IMMP2L: variants seen among roughly 807,000 people sequenced by gnomAD.
IMMP2L encodes mitochondrial inner membrane protease subunit 2.
A neutral mutation model predicts 19.3 loss-of-function variants in IMMP2L; 18 were observed. The ratio of observed to expected loss-of-function variants is 0.93; its 90% CI spans 0.64 to 1.38. The LOEUF is 1.38. Among genes scored for constraint, IMMP2L ranks in the 40% most tolerant of loss-of-function variants. IMMP2L has a pLI of 0.00. For missense variants in IMMP2L, 233 were observed against 218.2 expected (o/e 1.07, Z -0.43); for synonymous variants, 76 against 73.0 (o/e 1.04, Z -0.21).
intron 4 of IMMP2L, among the ~76,000 whole-genome samples, chr7:110,956,798 T>C (rs772913232): frequency 6.6e-6 from 1 of 151,934 alleles, no homozygotes; most frequent in African/African-American, 2.4e-5. Flanking sequence ...CATTTCTGAC[T>C]GGGCAGAGAA....
chr7:110,945,578 A>G (rs779435054), intron 4 of IMMP2L, among the ~76,000 whole-genome samples: 8 of 152,008 alleles, frequency 5.3e-5, no homozygotes, highest in Non-Finnish European at 1.2e-4. Flanking sequence ...CCTTCTACCA[A>G]AATGTATGTA....
At chr7:111,012,403 C>T (rs1825060946) in intron 3 of IMMP2L, among the ~76,000 whole-genome samples, 1 of 152,004 alleles carries the variant, frequency 6.6e-6, no homozygotes, top group Admixed American at 6.6e-5. Context: ...AAAATAAAAA[C>T]AAATATAAAT....
At chr7:111,147,464 A>G (rs1273356070) in intron 3 of IMMP2L, among the ~76,000 whole-genome samples, 1 of 152,158 alleles carries the variant, frequency 6.6e-6, no homozygotes, top group Admixed American at 6.6e-5. Context: ...GAAGGGTTAC[A>G]TCAACATGCA....
chr7:111,345,179 T>A (rs1827413213), intron 3 of IMMP2L, among the ~76,000 whole-genome samples: 2 of 152,156 alleles, frequency 1.3e-5, no homozygotes, highest in Admixed American at 6.6e-5. Flanking sequence ...TAAATTCCTT[T>A]ATCACTCCTG....
At chr7:111,171,984 T>C (rs1224206226) in intron 3 of IMMP2L, among the ~76,000 whole-genome samples, 2 of 151,528 alleles carry the variant, frequency 1.3e-5, no homozygotes, top group Admixed American at 1.3e-4. Context: ...TGATGAAATA[T>C]AGGGCACAGG....
At chr7:110,862,597 C>T (rs1266186737) in intron 5 of IMMP2L, among the ~76,000 whole-genome samples, 4 of 151,776 alleles carry the variant, frequency 2.6e-5, no homozygotes, top group Admixed American at 6.6e-5. Flanking sequence ...CCTCCTGCCT[C>T]AGCCTCCAAA....
At chr7:111,049,285 T>C (rs868698847) in intron 3 of IMMP2L, among the ~76,000 whole-genome samples, 18 of 151,676 alleles carry the variant, frequency 1.2e-4, no homozygotes, top group Middle Eastern at 6.8e-3. Flanking sequence ...CGCCCGCCAC[T>C]ACGCCCGGCT....
chr7:111,425,546 G>A (rs894016385), intron 3 of IMMP2L, among the ~76,000 whole-genome samples: 4 of 151,058 alleles, frequency 2.6e-5, no homozygotes, highest in African/African-American at 9.8e-5. Context: ...TGGATGAATA[G>A]AGGGATTAAA....
chr7:111,233,903 T>G (rs944203639), intron 3 of IMMP2L, among the ~76,000 whole-genome samples: 1 of 152,068 alleles, frequency 6.6e-6, no homozygotes, highest in East Asian at 1.9e-4. Context: ...ACACATCAAT[T>G]GTTTTGTAGC....
At chr7:111,328,772 C>T (rs1208006646) in intron 3 of IMMP2L, among the ~76,000 whole-genome samples, 1 of 151,746 alleles carries the variant, frequency 6.6e-6, no homozygotes, top group Non-Finnish European at 1.5e-5. Flanking sequence ...GCAGCAAATT[C>T]CCATGTAACT....
At chr7:111,242,318 A>G (rs1326182693) in intron 3 of IMMP2L, among the ~76,000 whole-genome samples, 1 of 152,058 alleles carries the variant, frequency 6.6e-6, no homozygotes, top group Admixed American at 6.6e-5. Context: ...ATCTCTTCCA[A>G]CGTTATTTAT....
intron 3 of IMMP2L, among the ~76,000 whole-genome samples, chr7:111,334,465 T>C (rs532082162): frequency 2.0e-5 from 3 of 152,194 alleles, no homozygotes; most frequent in South Asian, 2.1e-4. Flanking sequence ...CATGCATCAG[T>C]TGATTGGCAC....
chr7:111,001,050 T>G (rs778735639), intron 3 of IMMP2L, among the ~76,000 whole-genome samples: 6 of 152,192 alleles, frequency 3.9e-5, no homozygotes, highest in African/African-American at 2.4e-5. Flanking sequence ...ATTGGCCATT[T>G]CATCCACTTG....
intron 3 of IMMP2L, among the ~76,000 whole-genome samples, chr7:111,042,199 A>G (rs1458740095): frequency 6.6e-6 from 1 of 151,898 alleles, no homozygotes; most frequent in South Asian, 2.1e-4. Flanking sequence ...CTTTTTTTTG[A>G]GACTGAGTCT....
chr7:111,439,606 G>A (rs150322864), intron 3 of IMMP2L, among the ~76,000 whole-genome samples: 1 of 151,870 alleles, frequency 6.6e-6, no homozygotes, highest in Non-Finnish European at 1.5e-5. Flanking sequence ...ATGATCATCT[G>A]AGCCTTTGGC....
At chr7:110,779,387 T>C (rs992331453) in intron 5 of IMMP2L, among the ~76,000 whole-genome samples, 3 of 151,926 alleles carry the variant, frequency 2.0e-5, no homozygotes, top group Non-Finnish European at 4.4e-5. Flanking sequence ...AAAATACCAA[T>C]GGAGGCAAAG....
intron 3 of IMMP2L, among the ~76,000 whole-genome samples, chr7:111,160,778 A>T (rs1214108717): frequency 6.6e-6 from 1 of 150,574 alleles, no homozygotes; most frequent in African/African-American, 2.4e-5. Flanking sequence ...AAGAAATATA[A>T]AATATAAGAT....
chr7:111,436,810 G>C (rs1239562286), intron 3 of IMMP2L, among the ~76,000 whole-genome samples: 2 of 151,860 alleles, frequency 1.3e-5, no homozygotes, highest in East Asian at 3.9e-4. Flanking sequence ...ACAGGAAGCA[G>C]ATTGCTAGCA....
rs1187234948 is a variant in IMMP2L at position 110,803,499 on chromosome 7, C to T, written c.408+83094G>A. Among the ~76,000 whole-genome samples the T allele has an allele frequency of 6.6e-6, 1 of 151,964 alleles. No homozygotes were observed. The highest frequency in any genetic ancestry group is 2.4e-5 in the African/African-American group (1 of 41,368). On this transcript the variant is annotated intron_variant, in intron 5 of 5. Coordinates refer to ENST00000405709, the MANE Select transcript of IMMP2L (RefSeq NM_032549.4). The surrounding 1 kb of genome is among the most constrained non-coding windows in gnomAD (Gnocchi z 4.2). ...TAGGAATCAATGGGATCAATGTGTA[C>T]ACAGGGAGAAGGAGAAAGGAGAATG...
Sources: gnomAD v4.1 joint callset for allele counts (sites outside exome capture counted in the v4.1 genomes callset) on GRCh38, gnomAD v4.1.1 for gene constraint, Gnocchi (gnomAD v3.1) non-coding constraint, MANE v1.5 for transcripts, NCBI Gene and HGNC (gene_info 2026-07-23, HGNC 2026-07-21) for gene names.